Variants in TTC34 observed in about 807,000 individuals in gnomAD.
TTC34 encodes the protein tetratricopeptide repeat domain 34, also known as tetratricopeptide repeat protein 34.
Under a neutral mutation model 40.7 loss-of-function variants are expected in TTC34, and 44 were observed. The observed-to-expected ratio is 1.08, with a 90% CI of 0.85 to 1.39. The LOEUF is 1.39. TTC34 is among the 40% of genes most tolerant of loss of function. TTC34 has a pLI of 0.00. For missense variants in TTC34, 884 were observed against 838.0 expected (o/e 1.05, Z -0.68); for synonymous variants, 422 against 398.6 (o/e 1.06, Z -0.70).
At chr1:2,651,765 C>T (rs1383246988) in intron 6 of TTC34, among the ~76,000 whole-genome samples, 1 of 151,920 alleles carries the variant, frequency 6.6e-6, no homozygotes, top group Non-Finnish European at 1.5e-5. Flanking sequence ...CACCCTCCAC[C>T]CTCAGATGAG....
At chr1:2,787,318 G>C in intron 4 of TTC34, among the ~76,000 whole-genome samples, 163 bp downstream of exon 4, 1 of 152,362 alleles carries the variant, frequency 6.6e-6, no homozygotes, top group Non-Finnish European at 1.5e-5. Flanking sequence ...CTGAGGGTCA[G>C]GTAGGTGAGG....
chr1:2,764,198 G>C, intron 6 of TTC34, among the ~76,000 whole-genome samples: 1 of 149,854 alleles, frequency 6.7e-6, no homozygotes, highest in African/African-American at 2.5e-5. Context: ...GTGAGCATCT[G>C]ACAGTCTGGA....
chr1:2,751,691 C>T (rs1282323376), intron 6 of TTC34, among the ~76,000 whole-genome samples: 1,350 of 8,808 alleles, frequency 0.15, 3 homozygotes, highest in East Asian at 0.28. Flanking sequence ...CCCACAACCC[C>T]AAGCGAGCAT....
chr1:2,657,428 C>A (rs1481987542), intron 6 of TTC34, among the ~76,000 whole-genome samples: 2 of 82,712 alleles, frequency 2.4e-5, no homozygotes, highest in African/African-American at 7.7e-5. Flanking sequence ...TACCCCCAGG[C>A]GAGCATCTGA....
At position 2,787,472 on chromosome 1, in the gene TTC34, C is replaced by T. The variant is rs1643605226; in HGVS notation, c.1854+9G>A. The stretch of plus-strand genomic sequence containing the variant: ...CACCTGCCCTCTGTCACCCCCCAGG[C>T]CTCCTCACCTGGTTGGCGTCATAGA... On this transcript the variant is annotated intron_variant, in intron 4 of 8. Coordinates refer to ENST00000401095, the Ensembl canonical transcript of TTC34. 6.8e-7 allele frequency: 1 copy of T among 1,469,854 alleles called. No individual in the cohort carries two copies. 91.1% of individuals were successfully genotyped at this position (1,469,854 alleles called of 1,614,324 possible).
At chr1:2,660,659 C>T (rs1250689661) in intron 6 of TTC34, among the ~76,000 whole-genome samples, 1 of 38,824 alleles carries the variant, frequency 2.6e-5, no homozygotes, top group African/African-American at 7.7e-5. Flanking sequence ...GAGTCAGGAG[C>T]AGTGCCCACA....
At chr1:2,688,528 C>A (rs1314112496) in intron 6 of TTC34, among the ~76,000 whole-genome samples, 2 of 144,510 alleles carry the variant, frequency 1.4e-5, no homozygotes, top group African/African-American at 5.6e-5. Flanking sequence ...ACAGTACCCA[C>A]ACCCACAGGC....
intron 6 of TTC34, among the ~76,000 whole-genome samples, chr1:2,767,093 T>C (rs1316220931): frequency 0.067 from 29 of 436 alleles, no homozygotes; most frequent in Admixed American, 0.091. Flanking sequence ...CCCAGGTGAG[T>C]ATCTGACAGC....
intron 6 of TTC34, among the ~76,000 whole-genome samples, chr1:2,750,403 A>AC (rs1196896760): frequency 9.5e-6 from 1 of 105,092 alleles, no homozygotes; most frequent in Non-Finnish European, 1.8e-5. Context: ...CAGCACGCAC[A>AC]CCCCCAGGTG....
At chr1:2,688,199 C>T (rs1570820229) in intron 6 of TTC34, among the ~76,000 whole-genome samples, 1 of 49,452 alleles carries the variant, frequency 2.0e-5, no homozygotes, top group African/African-American at 7.4e-5. Flanking sequence ...CCTGGAGCAG[C>T]ACCCCACACC....
chr1:2,751,893 C>T (rs1207075319), intron 6 of TTC34, among the ~76,000 whole-genome samples: 2 of 117,778 alleles, frequency 1.7e-5, no homozygotes, highest in South Asian at 3.0e-4. Flanking sequence ...CCCACACCCC[C>T]AGGTGAGCAT....
Position 2,692,494 on chromosome 1 carries a change from G to C in TTC34, c.2227-46931C>G, listed in dbSNP as rs563675718. Among the ~76,000 whole-genome samples, 12 of 125,102 alleles carry C rather than the reference G, an allele frequency of 9.6e-5. 1 individual carries two copies. The highest frequency in any genetic ancestry group is 6.5e-4 in the Admixed American group (8 of 12,350). 82.1% of individuals were successfully genotyped at this position (125,102 alleles called of 152,430 possible). On this transcript the variant is annotated intron_variant, in intron 6 of 8. Coordinates refer to ENST00000401095, the Ensembl canonical transcript of TTC34. Reference sequence around the variant, plus strand: ...GGTGAGCATCTGACAGCCTGGAACAGCAGCCTGCACCCCCAGGTGTGCACG... The same window carrying C: ...GGTGAGCATCTGACAGCCTGGAACACCAGCCTGCACCCCCAGGTGTGCACG...
chr1:2,783,376 C>T (rs190706156), intron 6 of TTC34, among the ~76,000 whole-genome samples: 135 of 152,342 alleles, frequency 8.9e-4, no homozygotes, highest in African/African-American at 2.7e-3. Flanking sequence ...GCACATCTAT[C>T]CACACAGACT....
intron 6 of TTC34, among the ~76,000 whole-genome samples, chr1:2,698,824 T>A (rs1218754711): frequency 1.5e-5 from 2 of 137,728 alleles, no homozygotes; most frequent in Admixed American, 7.3e-5. Flanking sequence ...GGTGAGCATC[T>A]CACAGCCTGC....
At chr1:2,652,444 C>A (rs111991463) in intron 6 of TTC34, among the ~76,000 whole-genome samples, 199 of 13,056 alleles carry the variant, frequency 0.015, no homozygotes, top group South Asian at 0.03. Flanking sequence ...AGCACCCACA[C>A]CCCCAGGTGA....
intron 6 of TTC34, among the ~76,000 whole-genome samples, chr1:2,698,521 C>G (rs1407212726): frequency 5.1e-5 from 7 of 138,276 alleles, no homozygotes; most frequent in African/African-American, 1.7e-4. Flanking sequence ...GAAGCAGCAC[C>G]CCACACCCCC....
intron 6 of TTC34, among the ~76,000 whole-genome samples, chr1:2,771,540 GACAGCCTGGA>G (rs1642145313): frequency 1.3e-5 from 1 of 76,660 alleles, no homozygotes; most frequent in Non-Finnish European, 2.3e-5. Context: ...GCGAGCATCT[GACAGCCTGGA>G]GCAGCACACA....
chr1:2,638,258 A>G (rs1638828781), exon 9 of TTC34: 1 of 152,148 alleles, frequency 6.6e-6, no homozygotes, highest in Admixed American at 6.5e-5. Flanking sequence ...TTACAAATTC[A>G]CACACGGAGA....
At chr1:2,684,957 C>A (rs1340608834) in intron 6 of TTC34, among the ~76,000 whole-genome samples, 9 of 137,504 alleles carry the variant, frequency 6.5e-5, no homozygotes, top group Admixed American at 2.9e-4. Context: ...ACCACCCACA[C>A]CCCCAGACGA....
Sources: gnomAD v4.1 joint callset for allele counts (sites outside exome capture counted in the v4.1 genomes callset) on GRCh38, gnomAD v4.1.1 for gene constraint, MANE v1.5 for transcripts, NCBI Gene and HGNC (gene_info 2026-07-23, HGNC 2026-07-21) for gene names.